The following CNTNAP5 variants were observed in gnomAD, a reference collection of about 807,000 sequenced individuals.
CNTNAP5 encodes contactin-associated protein-like 5.
Under a neutral mutation model 150.2 loss-of-function variants are expected in CNTNAP5, and 72 were observed. That is an observed-to-expected ratio of 0.48 (90% confidence interval 0.40 to 0.58). CNTNAP5 has a LOEUF of 0.58. Ranked by LOEUF, CNTNAP5 falls within the 20% of genes least tolerant of loss-of-function variation. The probability of loss-of-function intolerance (pLI) is 0.00; values close to 1 mark genes in which losing one functional copy is unlikely to be tolerated. For synonymous variants in CNTNAP5, 672 were observed against 619.8 expected (o/e 1.08, Z -1.25); for missense variants, 1,636 against 1,626.2 (o/e 1.01, Z -0.10).
chr2:124,692,795 T>C (rs960578284), intron 13 of CNTNAP5, among the ~76,000 whole-genome samples: 2 of 152,068 alleles, frequency 1.3e-5, no homozygotes, highest in African/African-American at 2.4e-5. Flanking sequence ...GGTATTATCT[T>C]CCCTCATTAC....
intron 1 of CNTNAP5, among the ~76,000 whole-genome samples, chr2:124,081,107 T>C (rs114270469): frequency 2.0e-5 from 3 of 152,180 alleles, no homozygotes; most frequent in Non-Finnish European, 2.9e-5. Flanking sequence ...ATTAGGTGTA[T>C]GTTAATGGAG....
intron 13 of CNTNAP5, among the ~76,000 whole-genome samples, chr2:124,657,559 C>A (rs944741516): frequency 6.6e-6 from 1 of 152,118 alleles, no homozygotes; most frequent in South Asian, 2.1e-4. Context: ...TTCCCCACAG[C>A]GGATATCCCA....
intron 3 of CNTNAP5, among the ~76,000 whole-genome samples, chr2:124,358,038 G>C (rs1351511971): frequency 6.6e-6 from 1 of 151,716 alleles, no homozygotes; most frequent in African/African-American, 2.4e-5. Context: ...TTGTAAGTTG[G>C]ATTCCTAGGT....
rs78168128 is a variant in CNTNAP5 at position 124,186,641 on chromosome 2, G to A, written c.83-35064G>A. 8.2e-3 allele frequency among the ~76,000 whole-genome samples: 1,243 copies of A among 152,282 alleles called. 17 individuals are homozygous for A. Among genetic ancestry groups the A allele is most frequent in the African/African-American group, 0.028 (1,145 of 41,550 alleles). On this transcript the variant is annotated intron_variant, in intron 1 of 23. Coordinates refer to ENST00000682447, the MANE Select transcript of CNTNAP5 (RefSeq NM_001367498.1). ...TTAAGTGTTCCAACCTGAGGGCGGAGATGTCTCCATGCTGGCCCTGTTAAG... is the reference window on the plus strand; with the variant it reads ...TTAAGTGTTCCAACCTGAGGGCGGAAATGTCTCCATGCTGGCCCTGTTAAG...
intron 17 of CNTNAP5, among the ~76,000 whole-genome samples, chr2:124,779,213 C>T (rs1681397162): frequency 6.6e-6 from 1 of 152,212 alleles, no homozygotes; most frequent in Admixed American, 6.5e-5. Flanking sequence ...CAGGGGGATT[C>T]ACATCCAGTG....
At chr2:124,106,835 G>A (rs1299181542) in intron 1 of CNTNAP5, among the ~76,000 whole-genome samples, 3 of 152,110 alleles carry the variant, frequency 2.0e-5, no homozygotes, top group African/African-American at 7.2e-5. Context: ...CCATCGTATG[G>A]GACTGAGTCC....
chr2:124,620,813 T>C (rs1677598436), intron 12 of CNTNAP5, among the ~76,000 whole-genome samples: 1 of 151,846 alleles, frequency 6.6e-6, no homozygotes, highest in African/African-American at 2.4e-5. Context: ...AAGTAGATGG[T>C]CATTTAATAT....
At chr2:124,354,603 GA>G (rs1441077306) in intron 3 of CNTNAP5, among the ~76,000 whole-genome samples, 2 of 152,148 alleles carry the variant, frequency 1.3e-5, no homozygotes, top group Non-Finnish European at 2.9e-5. Context: ...CAGGAATCTT[GA>G]CGTGAGTCTC....
chr2:124,217,478 C>A (rs1307006263), intron 1 of CNTNAP5, among the ~76,000 whole-genome samples: 1 of 152,122 alleles, frequency 6.6e-6, no homozygotes, highest in Non-Finnish European at 1.5e-5. Flanking sequence ...CCTTGCTCCC[C>A]AGCCATGTGC....
intron 19 of CNTNAP5, among the ~76,000 whole-genome samples, chr2:124,841,191 C>T (rs552555410): frequency 6.6e-6 from 1 of 152,026 alleles, no homozygotes; most frequent in East Asian, 1.9e-4. Context: ...TGAAATTACC[C>T]CCATAAATAA....
intron 10 of CNTNAP5, among the ~76,000 whole-genome samples, chr2:124,549,406 T>C (rs1336513134): frequency 1.3e-5 from 2 of 152,240 alleles, no homozygotes; most frequent in Non-Finnish European, 2.9e-5. Context: ...GTGAAATCTT[T>C]TTATTCCATC....
At chr2:124,769,592 C>A (rs1681146016) in intron 16 of CNTNAP5, among the ~76,000 whole-genome samples, 1 of 152,196 alleles carries the variant, frequency 6.6e-6, no homozygotes, top group Admixed American at 6.5e-5. Context: ...TGAGAGCCAG[C>A]TTGAGTTTGC....
chr2:124,873,143 A>G lies in CNTNAP5; in HGVS notation c.3436+3381A>G, dbSNP rs192323393. ...GCTTCTGGAAAGCCTCAAGAATCTTAAAGTAATGGCAGGAGACAAAGGAGG... is the reference window on the plus strand; with the variant it reads ...GCTTCTGGAAAGCCTCAAGAATCTTGAAGTAATGGCAGGAGACAAAGGAGG... On this transcript the variant is annotated intron_variant, in intron 21 of 23. Transcript: ENST00000682447. Among the ~76,000 whole-genome samples the G allele has an allele frequency of 1.5e-4, 23 of 152,228 alleles. No homozygotes were observed. The East Asian group carries it at 4.4e-3, about 29-fold the overall frequency.
In CNTNAP5 at chr2:124,913,669, T is replaced by C. The variant is rs988316357; in HGVS notation, c.3728-423T>C. Among the ~76,000 whole-genome samples, 4 of 152,130 alleles carry C rather than the reference T, an allele frequency of 2.6e-5. No individual in the cohort carries two copies. In the South Asian group the frequency reaches 8.3e-4, roughly 31 times the overall value. ...TGTGTTAAGATGTGAGATATTTAAG[T>C]ACCATTTTCTAAGATGCTAAAGTAA... On this transcript the variant is annotated intron_variant, in intron 23 of 23. Coordinates refer to ENST00000682447, the MANE Select transcript of CNTNAP5 (RefSeq NM_001367498.1).
chr2:124,877,230 G>A (rs1677877469), intron 21 of CNTNAP5, among the ~76,000 whole-genome samples: 1 of 152,044 alleles, frequency 6.6e-6, no homozygotes, highest in Non-Finnish European at 1.5e-5. Context: ...TGTAGAAGTT[G>A]TCTGTTTTTT....
intron 1 of CNTNAP5, among the ~76,000 whole-genome samples, chr2:124,095,118 G>C (rs906597204): frequency 6.6e-6 from 1 of 152,140 alleles, no homozygotes; most frequent in African/African-American, 2.4e-5. Context: ...TGATAGACTG[G>C]ATAAAGAAAA....
intron 3 of CNTNAP5, among the ~76,000 whole-genome samples, chr2:124,251,236 A>G (rs898032453): frequency 1.3e-5 from 2 of 152,152 alleles, no homozygotes; most frequent in African/African-American, 4.8e-5. Flanking sequence ...TAGTGACTCA[A>G]GAATTTTTCG....
In CNTNAP5 at chr2:124,392,687, CAAAAAAA is replaced by C. The variant is rs35107442; in HGVS notation, c.382-24739_382-24733del. On this transcript the variant is annotated intron_variant, in intron 3 of 23. Coordinates refer to ENST00000682447, the MANE Select transcript of CNTNAP5 (RefSeq NM_001367498.1). ...TGATTTGCATTTTGTTTTTCTTTGCCAAAAAAAAAAAAAAAAAAAAAAAGGAAAAGAA... is the reference window on the plus strand; with the variant it reads ...TGATTTGCATTTTGTTTTTCTTTGCCAAAAAAAAAAAAAAAAGGAAAAGAA... Among the ~76,000 whole-genome samples, 53 of 68,786 alleles carry C rather than the reference CAAAAAAA, an allele frequency of 7.7e-4. No individual in the cohort carries two copies. In the South Asian group the frequency reaches 0.011, roughly 14 times the overall value. 45.1% of individuals were successfully genotyped at this position (68,786 alleles called of 152,430 possible).
intron 10 of CNTNAP5, among the ~76,000 whole-genome samples, chr2:124,561,418 G>T (rs1217450612): frequency 6.6e-6 from 1 of 152,106 alleles, no homozygotes; most frequent in African/African-American, 2.4e-5. Context: ...AGCAGGACAG[G>T]ATCTCTGAGT....
Sources: gnomAD v4.1 joint callset for allele counts (sites outside exome capture counted in the v4.1 genomes callset) on GRCh38, gnomAD v4.1.1 for gene constraint, MANE v1.5 for transcripts, NCBI Gene and HGNC (gene_info 2026-07-23, HGNC 2026-07-21) for gene names.